TEK: variants seen among roughly 807,000 people sequenced by gnomAD.
TEK encodes the protein TEK receptor tyrosine kinase.
Under a neutral mutation model 131.8 loss-of-function variants are expected in TEK, and 43 were observed. That is an observed-to-expected ratio of 0.33 (90% CI 0.26 to 0.42). The LOEUF (loss-of-function observed/expected upper bound fraction) is 0.42. TEK is among the 10% of genes least tolerant of loss of function. The pLI is 1.00. For synonymous variants in TEK, 580 were observed against 491.6 expected, an observed-to-expected ratio of 1.18 and a Z score of -2.38; for missense variants, 1,162 against 1,384.4, an observed-to-expected ratio of 0.84 and a Z score of 2.55.
intron 1 of TEK, among the ~76,000 whole-genome samples, chr9:27,130,686 C>T (rs1328897410): frequency 1.4e-5 from 2 of 142,468 alleles, no homozygotes; most frequent in African/African-American, 5.3e-5. Context: ...AAGCGATTCT[C>T]CTGCCTCAGC....
chr9:27,122,192 C>A (rs1295412479), intron 1 of TEK, among the ~76,000 whole-genome samples: 1 of 152,080 alleles, frequency 6.6e-6, no homozygotes, highest in Non-Finnish European at 1.5e-5. Flanking sequence ...CATTGGAGTT[C>A]CAAAGATAGT....
Position 27,109,235 on chromosome 9 carries a change from A to G in TEK, c.-356A>G. ...TTCCAACAAAAATTCCTCTGCCCCT[A>G]CAGCAGCAGCAAAAGCAGCAGCAGA... On this transcript the variant is annotated 5_prime_UTR_variant, in exon 1 of 23. Transcript: ENST00000380036. The G allele has an allele frequency of 1.9e-6, 1 of 530,746 alleles. No homozygotes were observed. The highest frequency in any genetic ancestry group is 3.6e-5 in the Admixed American group (1 of 28,088). 32.9% of individuals were successfully genotyped at this position (530,746 alleles called of 1,614,324 possible). A position where few individuals can be genotyped will look rare whatever the true frequency, so the allele number is the denominator to read the frequency against.
intron 18 of TEK, among the ~76,000 whole-genome samples, chr9:27,215,294 G>A (rs1196419166): frequency 6.7e-6 from 1 of 148,288 alleles, no homozygotes; most frequent in Non-Finnish European, 1.5e-5. Context: ...AGCACCTTGG[G>A]GCTGGGGAGG....
At chr9:27,158,633 G>C (rs1362621693) in intron 2 of TEK, among the ~76,000 whole-genome samples, 1 of 149,934 alleles carries the variant, frequency 6.7e-6, no homozygotes, top group Non-Finnish European at 1.5e-5. Flanking sequence ...AATTTAATTA[G>C]TTATTTGGTA....
At chr9:27,137,332 T>G (rs1822499992) in intron 1 of TEK, among the ~76,000 whole-genome samples, 1 of 152,272 alleles carries the variant, frequency 6.6e-6, no homozygotes, top group Admixed American at 6.5e-5. Flanking sequence ...CTATGGAAGA[T>G]AAATCATTTA....
chr9:27,183,694 C>G (rs1824486184), intron 8 of TEK, 84 bp downstream of exon 8: 4 of 1,532,958 alleles, frequency 2.6e-6, no homozygotes, highest in Non-Finnish European at 3.6e-6. Flanking sequence ...AGATACCATT[C>G]AGTGCTTTTA....
chr9:27,192,053 C>A (rs1304377520), intron 10 of TEK: 1 of 414,800 alleles, frequency 2.4e-6, no homozygotes, highest in South Asian at 1.8e-5. Flanking sequence ...ATGACCATTG[C>A]AAATCAGTTT....
At chr9:27,188,417 T>C (rs2131179240) in intron 9 of TEK, among the ~76,000 whole-genome samples, 1 of 152,332 alleles carries the variant, frequency 6.6e-6, no homozygotes, top group African/African-American at 2.4e-5. Flanking sequence ...AGGAAGCCTT[T>C]GTAGCAATTT....
At chr9:27,186,463 T>G (rs887794898) in intron 9 of TEK, among the ~76,000 whole-genome samples, 10 of 152,184 alleles carry the variant, frequency 6.6e-5, no homozygotes, top group Non-Finnish European at 1.5e-4. Flanking sequence ...CTGTATTGTT[T>G]AGAGAATAAT....
At chr9:27,217,813 A>G in intron 19 of TEK, 55 bp downstream of exon 19, 1 of 1,472,212 alleles carries the variant, frequency 6.8e-7, no homozygotes, top group Non-Finnish European at 9.5e-7. Flanking sequence ...AAACATATAC[A>G]TTTGACAGAG....
intron 4 of TEK, 28 bp downstream of exon 4, chr9:27,169,657 G>T: frequency 6.2e-7 from 1 of 1,613,624 alleles, no homozygotes; most frequent in Non-Finnish European, 8.5e-7. Flanking sequence ...CACCATTTGT[G>T]ATGGTGTAGT....
intron 9 of TEK, among the ~76,000 whole-genome samples, chr9:27,187,317 T>C (rs1272373830): frequency 6.6e-6 from 1 of 152,224 alleles, no homozygotes; most frequent in Non-Finnish European, 1.5e-5. Flanking sequence ...TCTTTTATTA[T>C]AGTATTTACA....
At chr9:27,126,736 G>A (rs925957105) in intron 1 of TEK, among the ~76,000 whole-genome samples, 2 of 152,172 alleles carry the variant, frequency 1.3e-5, no homozygotes, top group African/African-American at 2.4e-5. Flanking sequence ...AGAGGAGACA[G>A]TAGTGATGGA....
intron 3 of TEK, among the ~76,000 whole-genome samples, chr9:27,169,218 G>A (rs1030033901): frequency 6.6e-6 from 1 of 152,208 alleles, no homozygotes; most frequent in Non-Finnish European, 1.5e-5. Context: ...CCTGTAGAAT[G>A]TAAGAACTTA....
rs373725605 is a variant in TEK, at chr9:27,224,439, G to A, written c.3201-3767G>A. 1.7e-4 allele frequency among the ~76,000 whole-genome samples: 26 copies of A among 152,288 alleles called. No homozygotes were observed. In the East Asian group the frequency reaches 4.6e-3, roughly 27 times the overall value. On this transcript the variant is annotated intron_variant, in intron 21 of 22. Coordinates refer to ENST00000380036, the MANE Select transcript of TEK (RefSeq NM_000459.5). ...ATCAAGTCTGCTTCATCCTTGGGATGCAAGGCTGGTTCAACATATGCAAAT... is the reference window on the plus strand; with the variant it reads ...ATCAAGTCTGCTTCATCCTTGGGATACAAGGCTGGTTCAACATATGCAAAT...
At chr9:27,146,372 T>A (rs1822919740) in intron 1 of TEK, among the ~76,000 whole-genome samples, 1 of 152,194 alleles carries the variant, frequency 6.6e-6, no homozygotes, top group African/African-American at 2.4e-5. Flanking sequence ...AGAACAGCGA[T>A]CAGGATACAG....
chr9:27,213,965 T>C (rs1374159002), intron 18 of TEK, among the ~76,000 whole-genome samples: 1 of 152,144 alleles, frequency 6.6e-6, no homozygotes, highest in Non-Finnish European at 1.5e-5. Flanking sequence ...AAAATTAACA[T>C]ATTTTCCAAA....
At chr9:27,133,241 C>T (rs149419151) in intron 1 of TEK, among the ~76,000 whole-genome samples, 54 of 152,170 alleles carry the variant, frequency 3.5e-4, no homozygotes, top group Admixed American at 1.2e-3. Context: ...ATTAGAATGT[C>T]ATATATACAA....
intron 20 of TEK, 61 bp downstream of exon 20, chr9:27,218,878 C>A: frequency 2.0e-6 from 3 of 1,493,024 alleles, no homozygotes; most frequent in Non-Finnish European, 1.9e-6. Context: ...AAGCCTCTAG[C>A]ACTCCCTTGC....
Sources: gnomAD v4.1 joint callset for allele counts (sites outside exome capture counted in the v4.1 genomes callset) on GRCh38, gnomAD v4.1.1 for gene constraint, MANE v1.5 for transcripts, NCBI Gene and HGNC (gene_info 2026-07-23, HGNC 2026-07-21) for gene names.